Variants in ZNF714 observed in about 807,000 individuals in gnomAD.
ZNF714 encodes zinc finger protein 714.
In ZNF714, 32 loss-of-function variants were observed where a neutral mutation model predicts 46.2. The observed-to-expected ratio is 0.69, with a 90% confidence interval of 0.52 to 0.93. The LOEUF is 0.93. Ranked by LOEUF, ZNF714 falls within the 40% of genes least tolerant of loss-of-function variation. ZNF714 has a pLI of 0.00. For synonymous variants in ZNF714, 199 were observed against 213.1 expected, an observed-to-expected ratio of 0.93 and a Z score of 0.58; for missense variants, 635 against 646.3, an observed-to-expected ratio of 0.98 and a Z score of 0.19.
chr19:21,115,016 CTTCT>C (rs1291092369), intron 4 of ZNF714, among the ~76,000 whole-genome samples: 2 of 148,340 alleles, frequency 1.3e-5, no homozygotes, highest in Admixed American at 6.7e-5. Flanking sequence ...TATGCTTTTA[CTTCT>C]TTCTTATTTT....
intron 1 of ZNF714, among the ~76,000 whole-genome samples, chr19:21,082,617 C>T (rs887668002): frequency 1.3e-5 from 2 of 152,132 alleles, no homozygotes; most frequent in East Asian, 3.9e-4. Flanking sequence ...CTCAGCGGCG[C>T]GTCTCTCCCG....
chr19:21,104,022 T>G (rs1969252102), intron 4 of ZNF714, among the ~76,000 whole-genome samples: 1 of 152,168 alleles, frequency 6.6e-6, no homozygotes, highest in African/African-American at 2.4e-5. Flanking sequence ...CATTTTACCC[T>G]CTCCGCGGCC....
intron 2 of ZNF714, among the ~76,000 whole-genome samples, chr19:21,096,325 G>T (rs1257859708): frequency 6.6e-6 from 1 of 152,060 alleles, no homozygotes; most frequent in African/African-American, 2.4e-5. Flanking sequence ...GCCTTTAAGG[G>T]ACTTGTCTCA....
chr19:21,106,203 C>T (rs974380014), intron 4 of ZNF714, among the ~76,000 whole-genome samples: 2 of 151,768 alleles, frequency 1.3e-5, no homozygotes, highest in African/African-American at 4.8e-5. Flanking sequence ...TTCAGTGAGC[C>T]GAGGTCGCAC....
chr19:21,115,722 T>G (rs778548006), intron 4 of ZNF714, among the ~76,000 whole-genome samples: 1 of 151,902 alleles, frequency 6.6e-6, no homozygotes, highest in African/African-American at 2.4e-5. Context: ...TATATATGTG[T>G]TTGTTATAAA....
At position 21,116,995 on chromosome 19, in the gene ZNF714, A is replaced by G; in HGVS notation, c.331A>G (p.Thr111Ala). The change falls in exon 5 of 5, where the codon ACT becomes GCT. Residue 111 changes from threonine to alanine, a missense_variant. Coordinates refer to ENST00000456283, the MANE Select transcript of ZNF714 (RefSeq NM_182515.4). ...TAATGAACTAAACCAGTGTTTGACA[A>G]CTACCCAGAGCAAAATATTTCCATG... Reference protein sequence around the residue: ...GYNELNQCLTTTQSKIFPCDK... With the variant: ...GYNELNQCLTATQSKIFPCDK... The G allele has an allele frequency of 1.2e-6, 2 of 1,613,898 alleles. No homozygotes were observed. Among genetic ancestry groups the G allele is most frequent in the Non-Finnish European group, 1.7e-6 (2 of 1,179,858 alleles).
At chr19:21,116,656 AT>A (rs1201961779) in intron 4 of ZNF714, 150 bp from the exon 5 acceptor site, 1 of 986,532 alleles carries the variant, frequency 1.0e-6, no homozygotes, top group Non-Finnish European at 1.4e-6. Context: ...GTATGCTTTT[AT>A]TACATTTATA....
intron 4 of ZNF714, among the ~76,000 whole-genome samples, chr19:21,104,855 T>C (rs1430198088): frequency 6.6e-6 from 1 of 151,880 alleles, no homozygotes; most frequent in Non-Finnish European, 1.5e-5. Context: ...CTTCAGGTGA[T>C]CCTACCTGAC....
At chr19:21,094,313 G>A (rs946698591) in intron 2 of ZNF714, among the ~76,000 whole-genome samples, 4 of 152,202 alleles carry the variant, frequency 2.6e-5, no homozygotes, top group Admixed American at 2.6e-4. Context: ...ATTGCAAACA[G>A]TGTTGTAATA....
At chr19:21,084,681 G>T (rs1206311072) in intron 2 of ZNF714, among the ~76,000 whole-genome samples, 1 of 151,280 alleles carries the variant, frequency 6.6e-6, no homozygotes, top group Non-Finnish European at 1.5e-5. Flanking sequence ...CATTATATTA[G>T]TAGGGCTTGA....
At chr19:21,090,580 T>C (rs1450343104) in intron 2 of ZNF714, among the ~76,000 whole-genome samples, 1 of 152,102 alleles carries the variant, frequency 6.6e-6, no homozygotes, top group Non-Finnish European at 1.5e-5. Context: ...AGTCAGCCAG[T>C]TGGTGCACAC....
intron 4 of ZNF714, among the ~76,000 whole-genome samples, chr19:21,114,212 A>T (rs1969531625): frequency 6.6e-6 from 1 of 151,944 alleles, no homozygotes; most frequent in South Asian, 2.1e-4. Flanking sequence ...GCCAAGGTGG[A>T]CAGATCACAA....
intron 4 of ZNF714, among the ~76,000 whole-genome samples, chr19:21,102,986 A>ATG (rs1214855393): frequency 6.6e-6 from 1 of 152,068 alleles, no homozygotes; most frequent in Non-Finnish European, 1.5e-5. Flanking sequence ...CGGATTATAT[A>ATG]TGTGTGTGTG....
intron 4 of ZNF714, among the ~76,000 whole-genome samples, chr19:21,102,117 T>C (rs1196385032): frequency 6.6e-6 from 1 of 151,892 alleles, no homozygotes. Context: ...CATTTTTTTG[T>C]CAGGGATGAC....
intron 4 of ZNF714, among the ~76,000 whole-genome samples, chr19:21,105,058 T>TCGA (rs1969278960): frequency 7.5e-6 from 1 of 133,338 alleles, no homozygotes; most frequent in African/African-American, 2.7e-5. Flanking sequence ...GGAGTCTCAC[T>TCGA]CTGTCTCCCA....
At chr19:21,082,715 C>T (rs1050585316) in intron 1 of ZNF714, among the ~76,000 whole-genome samples, 2 of 135,340 alleles carry the variant, frequency 1.5e-5, no homozygotes, top group Admixed American at 7.5e-5. Flanking sequence ...GTTCCAGTTC[C>T]TCTTCTGTTG....
chr19:21,087,882 C>T (rs1484658452), intron 2 of ZNF714, among the ~76,000 whole-genome samples: 2 of 152,150 alleles, frequency 1.3e-5, no homozygotes, highest in East Asian at 3.9e-4. Context: ...CTCTGCATAC[C>T]TTGCATGTAA....
chr19:21,101,149 C>A (rs530145425), intron 4 of ZNF714, among the ~76,000 whole-genome samples: 6 of 152,318 alleles, frequency 3.9e-5, no homozygotes, highest in African/African-American at 1.4e-4. Context: ...GTGCCATACA[C>A]TTTCAGTGCT....
In ZNF714 at chr19:21,107,397, G is replaced by A. The variant is rs997021605; in HGVS notation, c.142+8487G>A. Reference sequence around the variant, plus strand: ...TGGGATTACAGGCATGTGCCACCACGCCTGGCTAATTTTGTATGTTTAGTA... The same window carrying A: ...TGGGATTACAGGCATGTGCCACCACACCTGGCTAATTTTGTATGTTTAGTA... On this transcript the variant is annotated intron_variant, in intron 4 of 4. Transcript: ENST00000456283. Among the ~76,000 whole-genome samples the A allele has an allele frequency of 2.2e-4, 33 of 152,032 alleles. 1 individual carries two copies.
Sources: allele counts gnomAD v4.1 joint callset (sites outside exome capture counted in the v4.1 genomes callset), GRCh38; gene constraint gnomAD v4.1.1; transcripts MANE v1.5; gene names NCBI Gene and HGNC (gene_info 2026-07-23, HGNC 2026-07-21).